Variants in IQSEC1 observed in about 807,000 individuals in gnomAD.
IQSEC1 encodes IQ motif and Sec7 domain ArfGEF 1.
IQSEC1 carries 31 observed loss-of-function variants against 91.0 expected under a neutral mutation model. The ratio of observed to expected loss-of-function variants is 0.34; its 90% CI spans 0.26 to 0.46. IQSEC1 has a LOEUF of 0.46. Among genes scored for constraint, IQSEC1 ranks in the 20% least tolerant of loss-of-function variants. The probability of loss-of-function intolerance (pLI) is 1.00; values close to 1 mark genes in which losing one functional copy is unlikely to be tolerated. For missense variants in IQSEC1, 1,388 were observed against 1,575.6 expected, an observed-to-expected ratio of 0.88 and a Z score of 2.02; for synonymous variants, 699 against 662.6, an observed-to-expected ratio of 1.05 and a Z score of -0.84.
At chr3:12,956,038 G>A (rs1437336457) in intron 1 of IQSEC1, among the ~76,000 whole-genome samples, 3 of 152,044 alleles carry the variant, frequency 2.0e-5, no homozygotes, top group Non-Finnish European at 2.9e-5. Context: ...TCTAAGTTTC[G>A]GACTCATCTT....
Position 13,214,255 on chromosome 3 carries a change from G to A in IQSEC1, c.273-50122C>T, listed in dbSNP as rs556117381. ...CTTTGAGAGCCAACCTGCCCTGGCCGGGTGAGACTAACCCTGTCTGAGTCA... is the reference window on the plus strand; with the variant it reads ...CTTTGAGAGCCAACCTGCCCTGGCCAGGTGAGACTAACCCTGTCTGAGTCA... On this transcript the variant is annotated intron_variant, in intron 1 of 15. Transcript: ENST00000648114. This position sits in a 1 kb window ranked among gnomAD's most constrained non-coding sequence, Gnocchi z 4.5. Among the ~76,000 whole-genome samples the A allele has an allele frequency of 4.6e-5, 7 of 152,202 alleles. No individual in the cohort carries two copies. Among genetic ancestry groups the A allele is most frequent in the East Asian group, 3.8e-4 (2 of 5,202 alleles).
chr3:12,956,844 T>C lies in IQSEC1; in HGVS notation c.24-14979A>G, dbSNP rs1303308954. Among the ~76,000 whole-genome samples, 3 of 152,192 alleles carry C rather than the reference T, an allele frequency of 2.0e-5. No homozygotes were observed. In the East Asian group the frequency reaches 5.8e-4, roughly 29 times the overall value. ...GGCCCCAGGCAAGTGCCCTCCACTC[T>C]CTGGGCTTCTGTGGTCTCATCTTCA... On this transcript the variant is annotated intron_variant, in intron 1 of 13. Transcript: ENST00000613206.
At chr3:13,044,194 C>T (rs1180393020) in intron 1 of IQSEC1, among the ~76,000 whole-genome samples, 1 of 152,234 alleles carries the variant, frequency 6.6e-6, no homozygotes, top group Non-Finnish European at 1.5e-5. Flanking sequence ...CAATGGTTCT[C>T]AACCAGAGGC....
chr3:13,172,181 C>G (rs1693629349), intron 1 of IQSEC1, among the ~76,000 whole-genome samples: 2 of 152,308 alleles, frequency 1.3e-5, no homozygotes, highest in East Asian at 3.9e-4. Context: ...TTTCTTCTTC[C>G]CTCCTTCCCC....
At chr3:13,278,262 C>T (rs1221090548) in intron 1 of IQSEC1, among the ~76,000 whole-genome samples, 2 of 152,192 alleles carry the variant, frequency 1.3e-5, no homozygotes, top group South Asian at 2.1e-4. Flanking sequence ...CCCCCCACCC[C>T]CAGCCTCCTT....
chr3:13,279,760 T>C (rs1483189630), intron 1 of IQSEC1, among the ~76,000 whole-genome samples: 1 of 152,168 alleles, frequency 6.6e-6, no homozygotes, highest in Non-Finnish European at 1.5e-5. Flanking sequence ...ACAGGGCCTC[T>C]GTGTGCAGGT....
At chr3:12,949,986 G>A (rs575343795) in intron 1 of IQSEC1, among the ~76,000 whole-genome samples, 6 of 152,328 alleles carry the variant, frequency 3.9e-5, no homozygotes, top group African/African-American at 1.2e-4. Context: ...TTCAAGCAGG[G>A]TCTGGAAAAA....
chr3:13,025,442 T>C (rs138318394), intron 1 of IQSEC1, among the ~76,000 whole-genome samples: 6 of 152,274 alleles, frequency 3.9e-5, no homozygotes, highest in African/African-American at 1.4e-4. Context: ...TGTGTGCACT[T>C]GAGGAAGGCA....
At chr3:13,006,247 G>A (rs186763181) in intron 1 of IQSEC1, among the ~76,000 whole-genome samples, 6 of 152,360 alleles carry the variant, frequency 3.9e-5, no homozygotes, top group Admixed American at 3.9e-4. Context: ...GAAGGTGGCA[G>A]AGGTGATGGC....
At chr3:13,280,966 G>T (rs181882903) in intron 1 of IQSEC1, among the ~76,000 whole-genome samples, 5 of 152,312 alleles carry the variant, frequency 3.3e-5, no homozygotes, top group South Asian at 2.1e-4. Context: ...CTGCCTGGAT[G>T]CAACCCAGGG....
chr3:13,229,647 C>A (rs1694812035), intron 1 of IQSEC1, among the ~76,000 whole-genome samples: 1 of 152,316 alleles, frequency 6.6e-6, no homozygotes, highest in Middle Eastern at 3.4e-3. Context: ...TGGACTCACA[C>A]CCATCTATTC....
chr3:13,121,873 G>C (rs1035580554), intron 2 of IQSEC1, among the ~76,000 whole-genome samples: 1 of 152,216 alleles, frequency 6.6e-6, no homozygotes, highest in Non-Finnish European at 1.5e-5. Flanking sequence ...CCAGAGCACC[G>C]TCCTACGGAA....
At chr3:13,045,746 A>G (rs1171836601) in intron 1 of IQSEC1, among the ~76,000 whole-genome samples, 2 of 152,224 alleles carry the variant, frequency 1.3e-5, no homozygotes, top group African/African-American at 4.8e-5. Context: ...CGCCCGTGGC[A>G]TGGGTGGGTG....
chr3:13,224,616 G>A (rs1189658694), intron 1 of IQSEC1, among the ~76,000 whole-genome samples: 2 of 152,168 alleles, frequency 1.3e-5, no homozygotes, highest in Admixed American at 6.5e-5. Flanking sequence ...TCGACTTGAC[G>A]TTCAGTGCCA....
chr3:13,078,816 C>G (rs1457448689), intron 2 of IQSEC1, among the ~76,000 whole-genome samples: 1 of 152,166 alleles, frequency 6.6e-6, no homozygotes, highest in Non-Finnish European at 1.5e-5. Flanking sequence ...CCCAGCTGCC[C>G]CAGGGGGTTC....
chr3:13,167,837 T>C (rs1693527911), intron 1 of IQSEC1, among the ~76,000 whole-genome samples: 1 of 152,222 alleles, frequency 6.6e-6, no homozygotes, highest in African/African-American at 2.4e-5. Flanking sequence ...TCTGGAAAAC[T>C]GAAATCTACC....
chr3:13,160,839 C>G (rs919789633), intron 2 of IQSEC1, among the ~76,000 whole-genome samples: 1 of 152,228 alleles, frequency 6.6e-6, no homozygotes, highest in African/African-American at 2.4e-5. Context: ...CTGGCACCAT[C>G]GAGCCACAAC....
intron 1 of IQSEC1, among the ~76,000 whole-genome samples, chr3:13,228,827 C>T (rs1694799041): frequency 6.6e-6 from 1 of 152,238 alleles, no homozygotes; most frequent in Non-Finnish European, 1.5e-5. Flanking sequence ...GCTCTCGGTA[C>T]CGACAGGATC....
chr3:12,975,726 C>A (rs1318806618), intron 1 of IQSEC1, among the ~76,000 whole-genome samples: 1 of 152,210 alleles, frequency 6.6e-6, no homozygotes, highest in Non-Finnish European at 1.5e-5. Flanking sequence ...AGGGACTATT[C>A]TATCTTCTCA....
Sources: allele counts gnomAD v4.1 joint callset (sites outside exome capture counted in the v4.1 genomes callset), GRCh38; gene constraint gnomAD v4.1.1; non-coding constraint Gnocchi (gnomAD v3.1); transcripts MANE v1.5; gene names NCBI Gene and HGNC (gene_info 2026-07-23, HGNC 2026-07-21).